The following FRAS1 variants were observed in gnomAD, a reference collection of about 807,000 sequenced individuals.
FRAS1 encodes the protein extracellular matrix organizing protein FRAS1.
In FRAS1, 290 loss-of-function variants were observed where a neutral mutation model predicts 435.2. That is an observed-to-expected ratio of 0.67 (90% confidence interval 0.61 to 0.73). The LOEUF is 0.73. FRAS1 is among the 30% of genes least tolerant of loss of function. FRAS1 has a pLI of 0.00. For missense variants in FRAS1, 4,860 were observed against 5,001.5 expected (o/e 0.97, Z 0.85); for synonymous variants, 1,800 against 1,851.0 (o/e 0.97, Z 0.71).
At chr4:78,112,274 T>C (rs6847174) in intron 2 of FRAS1, among the ~76,000 whole-genome samples, 42,568 of 152,020 alleles carry the variant, frequency 0.28, 6,287 homozygotes, top group African/African-American at 0.35. Context: ...AAAAAATGAA[T>C]AAATCAACAA....
At chr4:78,065,586 C>T (rs1739993889) in intron 1 of FRAS1, among the ~76,000 whole-genome samples, 1 of 152,064 alleles carries the variant, frequency 6.6e-6, no homozygotes, top group Non-Finnish European at 1.5e-5. Context: ...TTACAGGATT[C>T]TAAGTTGGCC....
chr4:78,529,705 A>G (rs1380836723), intron 70 of FRAS1, among the ~76,000 whole-genome samples: 1 of 152,200 alleles, frequency 6.6e-6, no homozygotes, highest in Admixed American at 6.5e-5. Context: ...TCTGCCAACC[A>G]AGACAGCTAC....
rs770128966 is a variant in FRAS1 at position 78,475,482 on chromosome 4, A to G, written c.7727A>G (p.Gln2576Arg). ...EKAGSVSVTVQRTGNLNQYAI... is the reference protein window; with the variant it reads ...EKAGSVSVTVRRTGNLNQYAI... The stretch of plus-strand genomic sequence containing the variant: ...GCAGGGTCTGTCAGTGTCACGGTGC[A>G]GAGGACTGGGAACCTGAACCAATAT... The change falls in exon 54 of 74, where the codon CAG becomes CGG. Residue 2576 changes from glutamine (Q) to arginine (R), a missense_variant. Gln to Arg is a conservative substitution (Grantham distance 43). Transcript: ENST00000512123. 45 of 1,613,844 alleles carry G rather than the reference A, an allele frequency of 2.8e-5. No individual in the cohort carries two copies. The highest frequency in any genetic ancestry group is 3.6e-5 in the Non-Finnish European group (43 of 1,179,866).
In FRAS1 at chr4:78,452,050, T is replaced by C. The variant is rs577302212; in HGVS notation, c.6584-125T>C. On this transcript the variant is annotated intron_variant, in intron 46 of 73. Coordinates refer to ENST00000512123, the MANE Select transcript of FRAS1 (RefSeq NM_025074.7). ...CTTTATTGCACGAAGCCCTGGCTCC[T>C]TGGTGTGCTCTCTAACACACAGGCC... 2.4e-6 allele frequency: 3 copies of C among 1,251,064 alleles called. No individual in the cohort carries two copies. The South Asian group carries it at 4.2e-5, about 18-fold the overall frequency. 77.5% of individuals were successfully genotyped at this position (1,251,064 alleles called of 1,614,324 possible).
Position 78,451,665 on chromosome 4 carries a change from G to C in FRAS1, c.6464-107G>C, listed in dbSNP as rs62308080. On this transcript the variant is annotated intron_variant, in intron 45 of 73. Transcript: ENST00000512123. ...AAAGCAGTGTCAAAGCGAGGAAGGT[G>C]TGAACTGATTCATTGGTGTGAACAC... is the stretch of plus-strand genomic sequence containing the variant. 5.7e-3 allele frequency: 4,874 copies of C among 853,400 alleles called. 21 individuals are homozygous for C. Among genetic ancestry groups the C allele is most frequent in the Middle Eastern group, 7.9e-3 (35 of 4,430 alleles). 52.9% of individuals were successfully genotyped at this position (853,400 alleles called of 1,614,324 possible). A position where few individuals can be genotyped will look rare whatever the true frequency, so the allele number is the denominator to read the frequency against.
intron 29 of FRAS1, among the ~76,000 whole-genome samples, chr4:78,397,271 C>T (rs776146843): frequency 6.6e-6 from 1 of 152,198 alleles, no homozygotes; most frequent in Non-Finnish European, 1.5e-5. Flanking sequence ...CTGTTTCACT[C>T]CTCTTGTTCC....
At chr4:78,119,280 C>A (rs1367900333) in intron 2 of FRAS1, among the ~76,000 whole-genome samples, 1 of 152,094 alleles carries the variant, frequency 6.6e-6, no homozygotes, top group Non-Finnish European at 1.5e-5. Context: ...GCTAGAGCTT[C>A]CTCCTCCCAT....
Position 78,120,083 on chromosome 4 carries a change from A to T in FRAS1, c.108+54067A>T, listed in dbSNP as rs543984611. ...GAGAATTTTTTAAAGTTATGAATGG[A>T]TGTTTATCATATTGTTCTGAAAACA... On this transcript the variant is annotated intron_variant, in intron 2 of 73. Coordinates refer to ENST00000512123, the MANE Select transcript of FRAS1 (RefSeq NM_025074.7). 1.1e-4 allele frequency among the ~76,000 whole-genome samples: 17 copies of T among 152,248 alleles called. No individual in the cohort carries two copies. The South Asian group carries it at 3.5e-3, about 32-fold the overall frequency.
chr4:78,371,060 C>T (rs530395467), intron 23 of FRAS1, among the ~76,000 whole-genome samples: 2 of 149,676 alleles, frequency 1.3e-5, no homozygotes, highest in African/African-American at 2.5e-5. Flanking sequence ...CTGCTGTGCT[C>T]GAGACCACAG....
chr4:78,333,941 C>A (rs943946037), intron 19 of FRAS1, among the ~76,000 whole-genome samples: 2 of 151,880 alleles, frequency 1.3e-5, no homozygotes, highest in African/African-American at 4.8e-5. Context: ...GTAGCTGAAA[C>A]CATACATATG....
At chr4:78,143,144 A>G (rs1009645617) in intron 2 of FRAS1, among the ~76,000 whole-genome samples, 1 of 152,186 alleles carries the variant, frequency 6.6e-6, no homozygotes, top group Non-Finnish European at 1.5e-5. Flanking sequence ...TTCAGAAATG[A>G]TGAAAATAAA....
At chr4:78,198,482 G>A (rs1722915532) in intron 2 of FRAS1, among the ~76,000 whole-genome samples, 1 of 152,152 alleles carries the variant, frequency 6.6e-6, no homozygotes, top group African/African-American at 2.4e-5. Flanking sequence ...GCTTTGAGAG[G>A]AACCTAAACG....
intron 51 of FRAS1, among the ~76,000 whole-genome samples, chr4:78,471,548 A>G (rs1719708965): frequency 6.6e-6 from 1 of 152,098 alleles, no homozygotes; most frequent in African/African-American, 2.4e-5. Flanking sequence ...AATGACCTCT[A>G]TTTTGCCAAA....
intron 2 of FRAS1, among the ~76,000 whole-genome samples, chr4:78,198,642 A>G (rs373182995): frequency 1.2e-4 from 19 of 152,294 alleles, no homozygotes; most frequent in African/African-American, 4.3e-4. Flanking sequence ...TTGACCCTTG[A>G]ACAACATGGG....
rs1346345089 is a variant in FRAS1, at chr4:78,537,315, A to G, written c.11298+115A>G. 6 of 986,838 alleles carry G rather than the reference A, an allele frequency of 6.1e-6. No individual in the cohort carries two copies. In the African/African-American group the frequency reaches 1.0e-4, roughly 16 times the overall value. The allele number at this position is 986,838 out of a possible 1,614,324, so 61.1% of individuals were successfully genotyped here. ...ACTCTTGATATTTTCTTCTCTATAT[A>G]TGTTTGTGTTGTTGTTTCTTTCAGA... On this transcript the variant is annotated intron_variant, in intron 72 of 73. Coordinates refer to ENST00000512123, the MANE Select transcript of FRAS1 (RefSeq NM_025074.7).
Position 78,424,423 on chromosome 4 carries a change from A to G in FRAS1, c.4711+3A>G. 1 of 1,426,454 alleles carries G rather than the reference A, an allele frequency of 7.0e-7. No individual in the cohort carries two copies. The highest frequency in any genetic ancestry group is 9.3e-7 in the Non-Finnish European group (1 of 1,075,378). 88.4% of individuals were successfully genotyped at this position (1,426,454 alleles called of 1,614,324 possible). On this transcript the variant is annotated splice_donor_region_variant and intron_variant, in intron 35 of 73. Transcript: ENST00000512123. ...ATCAGTGAAATTCCACTTCACAGGT[A>G]AAGATTCATCTAAATTTTACTAGAA...
intron 66 of FRAS1, among the ~76,000 whole-genome samples, chr4:78,516,695 G>A (rs967200432): frequency 7.9e-5 from 12 of 152,208 alleles, no homozygotes; most frequent in African/African-American, 2.9e-4. Flanking sequence ...AGGGGAAGCA[G>A]ACATGTCTTA....
chr4:78,401,090 C>T (rs562963738), intron 30 of FRAS1, among the ~76,000 whole-genome samples: 8 of 152,244 alleles, frequency 5.3e-5, no homozygotes, highest in Admixed American at 1.3e-4. Context: ...TTTATAAACA[C>T]GTTATATGTA....
intron 51 of FRAS1, among the ~76,000 whole-genome samples, chr4:78,471,455 A>G (rs1417700218): frequency 6.6e-6 from 1 of 151,236 alleles, no homozygotes; most frequent in Non-Finnish European, 1.5e-5. Context: ...ATTTAGAGCA[A>G]TTCCATTCTC....
Sources: allele counts gnomAD v4.1 joint callset (sites outside exome capture counted in the v4.1 genomes callset), GRCh38; gene constraint gnomAD v4.1.1; transcripts MANE v1.5; gene names NCBI Gene and HGNC (gene_info 2026-07-23, HGNC 2026-07-21).